Variants in AKR7A3 observed in about 807,000 individuals in gnomAD.
The protein encoded by AKR7A3 is aldo-keto reductase family 7 member A3, also known as AFB1 aldehyde reductase 2.
Under a neutral mutation model 32.5 loss-of-function variants are expected in AKR7A3, and 37 were observed. That is an observed-to-expected ratio of 1.14 (90% CI 0.88 to 1.50). The LOEUF (loss-of-function observed/expected upper bound fraction) is 1.50, where lower values mean the gene tolerates loss of function less well. Ranked by LOEUF, AKR7A3 falls within the 40% of genes most tolerant of loss-of-function variation. AKR7A3 has a pLI of 0.00. For missense variants in AKR7A3, 412 were observed against 453.2 expected (o/e 0.91, Z 0.83); for synonymous variants, 177 against 188.4 (o/e 0.94, Z 0.50).
At position 19,288,748 on chromosome 1, in the gene AKR7A3, C is replaced by A; in HGVS notation, c.-39G>T. The A allele has an allele frequency of 7.0e-7, 1 of 1,420,060 alleles. No homozygotes were observed. The highest frequency in any genetic ancestry group is 2.8e-5 in the East Asian group (1 of 35,768). The allele number at this position is 1,420,060 out of a possible 1,614,324, so 88.0% of individuals were successfully genotyped here. ...GGAGACTGTGACAGCCCAGGAGCCGCGCGCAGCGGTCGGAAGCACCAGGCT... is the reference window on the plus strand; with the variant it reads ...GGAGACTGTGACAGCCCAGGAGCCGAGCGCAGCGGTCGGAAGCACCAGGCT... On this transcript the variant is annotated 5_prime_UTR_variant, in exon 1 of 7. Transcript: ENST00000361640.
At chr1:19,287,495 T>TA (rs1175892297) in intron 1 of AKR7A3, among the ~76,000 whole-genome samples, 1 of 151,700 alleles carries the variant, frequency 6.6e-6, no homozygotes, top group Non-Finnish European at 1.5e-5. Context: ...GTGCTAATAC[T>TA]AAGAACAAAC....
chr1:19,276,501 T>A, the AKR7A3 span, among the ~76,000 whole-genome samples: 1 of 150,148 alleles, frequency 6.7e-6, no homozygotes, highest in Non-Finnish European at 1.5e-5. Context: ...ATAAAACAAG[T>A]CTTAATAAAT....
chr1:19,285,488 T>A (rs1369164346), intron 3 of AKR7A3, among the ~76,000 whole-genome samples: 1 of 151,526 alleles, frequency 6.6e-6, no homozygotes, highest in Non-Finnish European at 1.5e-5. Context: ...GTGCAAATAT[T>A]TGTGCAATGA....
rs2093735811 is a variant in AKR7A3, at chr1:19,288,720, A to G, written c.-11T>C. 5 of 1,481,096 alleles carry G rather than the reference A, an allele frequency of 3.4e-6. No individual in the cohort carries two copies. The highest frequency in any genetic ancestry group is 2.6e-5 in the East Asian group (1 of 39,114). The allele number at this position is 1,481,096 out of a possible 1,614,324, so 91.7% of individuals were successfully genotyped here. A position where few individuals can be genotyped will look rare whatever the true frequency, so the allele number is the denominator to read the frequency against. On this transcript the variant is annotated 5_prime_UTR_variant, in exon 1 of 7. Coordinates refer to ENST00000361640, the MANE Select transcript of AKR7A3 (RefSeq NM_012067.3). ...CAGCTGCCGGGACATGACGGCGGCA[A>G]CGGGAGACTGTGACAGCCCAGGAGC...
chr1:19,277,476 T>C, the AKR7A3 span, among the ~76,000 whole-genome samples: 1 of 151,916 alleles, frequency 6.6e-6, no homozygotes, highest in Non-Finnish European at 1.5e-5. Context: ...ATAGCACCAC[T>C]TTGACATACT....
chr1:19,286,618 T>C (rs1390355019), intron 1 of AKR7A3, among the ~76,000 whole-genome samples: 1 of 151,390 alleles, frequency 6.6e-6, no homozygotes, highest in Non-Finnish European at 1.5e-5. Flanking sequence ...GAGGCGGAGG[T>C]TGCAGTGAGC....
At chr1:19,277,349 T>C in the AKR7A3 span, among the ~76,000 whole-genome samples, 1 of 151,846 alleles carries the variant, frequency 6.6e-6, no homozygotes, top group Admixed American at 6.6e-5. Context: ...AAATAACCCA[T>C]GGATCAAAGA....
At chr1:19,284,190 C>G in intron 5 of AKR7A3, 65 bp from the exon 6 acceptor site, 1 of 1,557,068 alleles carries the variant, frequency 6.4e-7, no homozygotes, top group East Asian at 2.3e-5. Context: ...AAAGAGCCAA[C>G]CAGGGCCACT....
At chr1:19,276,780 C>A in the AKR7A3 span, among the ~76,000 whole-genome samples, 1 of 151,534 alleles carries the variant, frequency 6.6e-6, no homozygotes, top group East Asian at 1.9e-4. Flanking sequence ...CCAGCCTGGA[C>A]AACAGAGTGA....
In AKR7A3 at chr1:19,284,791, G is replaced by C. The variant is rs1183722462; in HGVS notation, c.605-6C>G. ...CTTGCCGGTCAGCAGGCCCCCTGAG[G>C]GAAAGCAGCAATCAGCCCCGGGGCC... On this transcript the variant is annotated splice_region_variant and splice_polypyrimidine_tract_variant and intron_variant, in intron 4 of 6. Coordinates refer to ENST00000361640, the MANE Select transcript of AKR7A3 (RefSeq NM_012067.3). 1 of 1,613,746 alleles carries C rather than the reference G, an allele frequency of 6.2e-7. No homozygotes were observed. Among genetic ancestry groups the C allele is most frequent in the Admixed American group, 1.7e-5 (1 of 60,026 alleles).
intron 1 of AKR7A3, 112 bp downstream of exon 1, chr1:19,288,384 G>T: frequency 3.0e-6 from 4 of 1,349,746 alleles, no homozygotes; most frequent in Non-Finnish European, 4.0e-6. Context: ...GGGGCGGTGG[G>T]GGGGACAAAA....
Position 19,284,109 on chromosome 1 carries a change from G to T in AKR7A3, c.721C>A (p.His241Asn), listed in dbSNP as rs2093724410. The T allele has an allele frequency of 1.2e-6, 2 of 1,612,364 alleles. No homozygotes were observed. ...MYRNRYWKEH[H>N]FEGIALVEKA... ...TCCACCAGGGCAATGCCCTCAAAGTGGTGCTCCTTCCAGTAGCTGGGAAGG... is the reference window on the plus strand; with the variant it reads ...TCCACCAGGGCAATGCCCTCAAAGTTGTGCTCCTTCCAGTAGCTGGGAAGG... The change falls in exon 6 of 7, where the codon CAC becomes AAC. Residue 241 changes from histidine (H) to asparagine (N), a missense_variant. Physicochemically the swap from His to Asn is moderately conservative, Grantham distance 68. Coordinates refer to ENST00000361640, the MANE Select transcript of AKR7A3 (RefSeq NM_012067.3).
At chr1:19,286,822 T>C (rs2093731543) in intron 1 of AKR7A3, among the ~76,000 whole-genome samples, 1 of 151,822 alleles carries the variant, frequency 6.6e-6, no homozygotes, top group African/African-American at 2.4e-5. Flanking sequence ...ACTGGAGCCC[T>C]TGAGGCCTAG....
At position 19,286,170 on chromosome 1, in the gene AKR7A3, C is replaced by T. The variant is rs369804891; in HGVS notation, c.402+15G>A. On this transcript the variant is annotated intron_variant, in intron 2 of 6. Coordinates refer to ENST00000361640, the MANE Select transcript of AKR7A3 (RefSeq NM_012067.3). ...CAGCAGTGGACCACCTCCCAGAGCT[C>T]AGGGGTCCCCTCACCTCCTGGTGCA... is the stretch of plus-strand genomic sequence containing the variant. 9 of 1,611,850 alleles carry T rather than the reference C, an allele frequency of 5.6e-6. No homozygotes were observed. In the African/African-American group the frequency reaches 1.2e-4, roughly 22 times the overall value.
At position 19,288,671 on chromosome 1, in the gene AKR7A3, C is replaced by T. The variant is rs759126490; in HGVS notation, c.39G>A (p.Val13=). The T allele has an allele frequency of 1.6e-4, 238 of 1,531,038 alleles. No homozygotes were observed. The highest frequency in any genetic ancestry group is 9.2e-4 in the Middle Eastern group (4 of 4,326). The allele number at this position is 1,531,038 out of a possible 1,614,324, so 94.8% of individuals were successfully genotyped here. The change falls in exon 1 of 7, where the codon GTG becomes GTA. Residue 13 remains valine (V), a synonymous_variant. Transcript: ENST00000361640. ...RQLSRARPAT[V]LGAMEMGRRM... ...GGCGCCCCATCTCCATGGCGCCCAG[C>T]ACCGTGGCTGGCCGGGCCCGCGACA...
At chr1:19,279,793 A>T (rs2093716148), downstream of AKR7A3, among the ~76,000 whole-genome samples, 1 of 151,896 alleles carries the variant, frequency 6.6e-6, no homozygotes, top group Non-Finnish European at 1.5e-5. Context: ...TTGTTGAATG[A>T]TAAGAGTTCT....
At chr1:19,280,343 A>G (rs1432806109), downstream of AKR7A3, among the ~76,000 whole-genome samples, 1 of 151,302 alleles carries the variant, frequency 6.6e-6, no homozygotes, top group East Asian at 1.9e-4. Flanking sequence ...TCCTGGGTTC[A>G]AGTGATTCCG....
downstream of AKR7A3, among the ~76,000 whole-genome samples, chr1:19,280,664 G>GGTAGCT (rs2093717401): frequency 6.6e-6 from 1 of 150,926 alleles, no homozygotes. Context: ...TCCACCTCCT[G>GGTAGCT]GGTTCACACC....
At chr1:19,274,652 A>G in the AKR7A3 span, among the ~76,000 whole-genome samples, 1 of 151,804 alleles carries the variant, frequency 6.6e-6, no homozygotes. Context: ...AAGTGAAACA[A>G]ACAAACAAAC....
Sources: allele counts gnomAD v4.1 joint callset (sites outside exome capture counted in the v4.1 genomes callset), GRCh38; gene constraint gnomAD v4.1.1; transcripts MANE v1.5; gene names NCBI Gene and HGNC (gene_info 2026-07-23, HGNC 2026-07-21).